LARGE1: variants seen among roughly 807,000 people sequenced by gnomAD.
LARGE1 encodes the protein LARGE xylosyl- and glucuronyltransferase 1.
Under a neutral mutation model 87.6 loss-of-function variants are expected in LARGE1, and 43 were observed. That is an observed-to-expected ratio of 0.49 (90% CI 0.38 to 0.63). LARGE1 has a LOEUF of 0.63. Among genes scored for constraint, LARGE1 ranks in the 30% least tolerant of loss-of-function variants. The probability of loss-of-function intolerance (pLI) is 0.00; values close to 1 mark genes in which losing one functional copy is unlikely to be tolerated. For missense variants in LARGE1, 802 were observed against 1,000.2 expected (o/e 0.80, Z 2.67); for synonymous variants, 434 against 394.6 (o/e 1.10, Z -1.18).
the LARGE1 span, among the ~76,000 whole-genome samples, chr22:33,117,612 G>A: frequency 3.6e-3 from 546 of 152,168 alleles, 2 homozygotes; most frequent in Middle Eastern, 0.034. Context: ...GAGCTTGGTG[G>A]AAATTCTAGG....
chr22:33,713,992 A>G (rs983517694), intron 2 of LARGE1, among the ~76,000 whole-genome samples: 7 of 149,060 alleles, frequency 4.7e-5, no homozygotes, highest in Non-Finnish European at 5.9e-5. Flanking sequence ...GTAACATAAC[A>G]TAACATAACA....
exon 12 of LARGE1, chr22:33,164,850 A>C (rs1053832498): frequency 6.6e-6 from 1 of 152,218 alleles, no homozygotes; most frequent in Admixed American, 6.5e-5. Flanking sequence ...AATTACCACG[A>C]ACTCTCATCC....
At chr22:33,495,063 C>T (rs1195679016) in intron 6 of LARGE1, among the ~76,000 whole-genome samples, 2 of 152,218 alleles carry the variant, frequency 1.3e-5, no homozygotes, top group Non-Finnish European at 2.9e-5. Context: ...GCAAGGCCCA[C>T]GTGAACATGA....
upstream of LARGE1, among the ~76,000 whole-genome samples, chr22:33,921,572 G>A (rs2065951716): frequency 1.3e-5 from 2 of 152,166 alleles, no homozygotes; most frequent in South Asian, 4.1e-4. This position sits in a 1 kb window ranked among gnomAD's most constrained non-coding sequence, Gnocchi z 4.1. Flanking sequence ...CCCGCCGAAG[G>A]GCTCTGACGG....
intron 1 of LARGE1, among the ~76,000 whole-genome samples, chr22:33,786,879 G>C (rs1056523117): frequency 6.6e-6 from 1 of 152,008 alleles, no homozygotes; most frequent in African/African-American, 2.4e-5. Flanking sequence ...AAATTAGCCA[G>C]GCGTGGTGGC....
At chr22:33,618,548 T>C (rs1230427376) in intron 4 of LARGE1, among the ~76,000 whole-genome samples, 5 of 152,248 alleles carry the variant, frequency 3.3e-5, no homozygotes, top group Non-Finnish European at 7.3e-5. Context: ...TATGACCAAA[T>C]ACCATTGATC....
intron 1 of LARGE1, among the ~76,000 whole-genome samples, chr22:33,871,982 C>CAAAAAAAAAAAAAAAAAA (rs58105742): frequency 8.1e-5 from 7 of 86,786 alleles, no homozygotes; most frequent in Non-Finnish European, 1.5e-4. Flanking sequence ...TCTAAATCAG[C>CAAAAAAAAAAAAAAAAAA]AAAAAAAAAA....
chr22:33,705,965 G>A (rs970660052), intron 2 of LARGE1, among the ~76,000 whole-genome samples: 17 of 152,120 alleles, frequency 1.1e-4, no homozygotes, highest in African/African-American at 2.9e-4. Flanking sequence ...ATTGGAGCTC[G>A]GAAAAGAAAC....
At chr22:33,913,442 A>G (rs1018514863) in intron 1 of LARGE1, among the ~76,000 whole-genome samples, 3 of 152,238 alleles carry the variant, frequency 2.0e-5, no homozygotes, top group Non-Finnish European at 4.4e-5. Context: ...GACAGTTTAC[A>G]TAACCACTGT....
intron 11 of LARGE1, among the ~76,000 whole-genome samples, chr22:33,263,498 G>A (rs1927758312): frequency 6.6e-6 from 1 of 152,202 alleles, no homozygotes; most frequent in Admixed American, 6.5e-5. Context: ...AAAGTCCTGG[G>A]TCAATAGCCA....
downstream of LARGE1, among the ~76,000 whole-genome samples, chr22:33,270,023 C>G (rs1321050631): frequency 6.7e-6 from 1 of 148,440 alleles, no homozygotes; most frequent in Non-Finnish European, 1.5e-5. Flanking sequence ...AAAAAAAAGA[C>G]TATACGAATG....
chr22:33,297,632 G>T (rs918556548), intron 12 of LARGE1, among the ~76,000 whole-genome samples: 2 of 149,230 alleles, frequency 1.3e-5, no homozygotes, highest in Non-Finnish European at 3.0e-5. Context: ...AAAAAAGAAG[G>T]GTTTGTCCCC....
At chr22:33,274,678 G>A (rs1602190700) in intron 14 of LARGE1, 54 bp from the exon 15 acceptor site, 2 of 1,487,820 alleles carry the variant, frequency 1.3e-6, no homozygotes, top group African/African-American at 1.4e-5. Flanking sequence ...GGTCATGCAT[G>A]ATGAAGGCCC....
chr22:33,644,938 G>A (rs2080559823), intron 3 of LARGE1, among the ~76,000 whole-genome samples: 1 of 152,182 alleles, frequency 6.6e-6, no homozygotes, highest in South Asian at 2.1e-4. Context: ...AACATTCCAT[G>A]CTCATGGATA....
At chr22:33,310,890 G>T (rs996574643) in intron 11 of LARGE1, among the ~76,000 whole-genome samples, 1 of 151,980 alleles carries the variant, frequency 6.6e-6, no homozygotes, top group Non-Finnish European at 1.5e-5. Flanking sequence ...TGTCTGCTAC[G>T]CTTGGGCTGT....
At chr22:33,757,306 T>G (rs773336771) in intron 2 of LARGE1, among the ~76,000 whole-genome samples, 21 of 152,234 alleles carry the variant, frequency 1.4e-4, no homozygotes, top group Non-Finnish European at 1.9e-4. Flanking sequence ...GACTCCCTCT[T>G]AGTGTCATAA....
chr22:33,908,927 C>T (rs1165612105), intron 1 of LARGE1, among the ~76,000 whole-genome samples: 1 of 152,158 alleles, frequency 6.6e-6, no homozygotes, highest in Non-Finnish European at 1.5e-5. Flanking sequence ...AAGCACTTTG[C>T]TCTCAGCTCC....
At chr22:33,760,969 A>ACAC (rs548599952) in intron 2 of LARGE1, among the ~76,000 whole-genome samples, 1,718 of 151,614 alleles carry the variant, frequency 0.011, 17 homozygotes, top group South Asian at 0.061. Flanking sequence ...CAAACAAAAA[A>ACAC]CACCACCACC....
chr22:33,718,817 GC>G (rs1449373814), intron 2 of LARGE1, among the ~76,000 whole-genome samples: 2 of 152,050 alleles, frequency 1.3e-5, no homozygotes, highest in Non-Finnish European at 2.9e-5. Flanking sequence ...TCGCTCTGTC[GC>G]CCAGGCTGGG....
Sources: gnomAD v4.1 joint callset for allele counts (sites outside exome capture counted in the v4.1 genomes callset) on GRCh38, gnomAD v4.1.1 for gene constraint, Gnocchi (gnomAD v3.1) non-coding constraint, MANE v1.5 for transcripts, NCBI Gene and HGNC (gene_info 2026-07-23, HGNC 2026-07-21) for gene names.